Variants in RALYL observed in about 807,000 individuals in gnomAD.
RALYL encodes the protein RALY RNA binding protein like, also known as RNA-binding Raly-like protein.
A neutral mutation model predicts 35.1 loss-of-function variants in RALYL; 29 were observed. That is an observed-to-expected ratio of 0.83 (90% CI 0.61 to 1.13). The LOEUF (loss-of-function observed/expected upper bound fraction) is 1.13. Among genes scored for constraint, RALYL ranks in the 50% most tolerant of loss-of-function variants. The probability of loss-of-function intolerance (pLI) is 0.00; values close to 1 mark genes in which losing one functional copy is unlikely to be tolerated. For missense variants in RALYL, 359 were observed against 360.4 expected (o/e 1.00, Z 0.03); for synonymous variants, 120 against 127.6 (o/e 0.94, Z 0.40).
intron 3 of RALYL, among the ~76,000 whole-genome samples, chr8:84,795,472 TTAAAA>T (rs1001029997): frequency 2.0e-5 from 3 of 152,228 alleles, no homozygotes; most frequent in African/African-American, 7.2e-5. Flanking sequence ...GTGAAAATGC[TTAAAA>T]TAGAGTGTCA....
At chr8:84,838,152 C>T (rs1290066169) in intron 4 of RALYL, among the ~76,000 whole-genome samples, 2 of 152,146 alleles carry the variant, frequency 1.3e-5, no homozygotes, top group Non-Finnish European at 2.9e-5. Context: ...GAAAAACCAA[C>T]TCTTCTTAGC....
chr8:84,541,189 A>G (rs1234781715), intron 2 of RALYL, among the ~76,000 whole-genome samples: 2 of 151,822 alleles, frequency 1.3e-5, no homozygotes, highest in Non-Finnish European at 2.9e-5. Flanking sequence ...GAATGAAGAC[A>G]TAGATCATTG....
chr8:84,713,070 C>A (rs1424616986), intron 2 of RALYL, among the ~76,000 whole-genome samples: 3 of 152,002 alleles, frequency 2.0e-5, no homozygotes, highest in African/African-American at 7.2e-5. Context: ...TCTATGTTTT[C>A]TTCTAGTAGT....
In RALYL at chr8:84,351,500, G is replaced by A. The variant is rs531797315; in HGVS notation, c.-24+167076G>A. 1.5e-4 allele frequency among the ~76,000 whole-genome samples: 22 copies of A among 149,114 alleles called. 1 individual carries two copies. The South Asian group carries it at 4.4e-3, about 30-fold the overall frequency. On this transcript the variant is annotated intron_variant, in intron 1 of 8. Coordinates refer to ENST00000521268, the MANE Select transcript of RALYL (RefSeq NM_173848.7). ...AGGGGTGCATAAATTTCCTTTTTCT[G>A]TATTACTGGCTAGTTGATGATTGAC...
At chr8:84,770,182 T>A (rs1815086356) in intron 2 of RALYL, among the ~76,000 whole-genome samples, 1 of 152,154 alleles carries the variant, frequency 6.6e-6, no homozygotes. Flanking sequence ...TTTTAGTCTT[T>A]TACCCTTCAC....
intron 1 of RALYL, among the ~76,000 whole-genome samples, chr8:84,338,163 TAA>T (rs112811800): frequency 6.7e-6 from 1 of 148,504 alleles, no homozygotes; most frequent in African/African-American, 2.5e-5. Flanking sequence ...TCCTCCATCT[TAA>T]AAAAAAAACT....
chr8:84,807,352 T>C (rs1824888965), intron 4 of RALYL, among the ~76,000 whole-genome samples: 1 of 152,354 alleles, frequency 6.6e-6, no homozygotes, highest in African/African-American at 2.4e-5. Flanking sequence ...ATTTGTTTCT[T>C]TTTATGGCTG....
chr8:84,768,181 G>A (rs2133475101), intron 2 of RALYL, among the ~76,000 whole-genome samples: 1 of 152,216 alleles, frequency 6.6e-6, no homozygotes, highest in African/African-American at 2.4e-5. Flanking sequence ...AAAACCTCAG[G>A]AGACTTCTCT....
At chr8:84,474,244 G>T (rs575693243) in intron 1 of RALYL, among the ~76,000 whole-genome samples, 1 of 152,220 alleles carries the variant, frequency 6.6e-6, no homozygotes, top group East Asian at 1.9e-4. Context: ...GGTTAAATAT[G>T]ATATGAGTAA....
intron 2 of RALYL, among the ~76,000 whole-genome samples, chr8:84,555,169 C>A (rs1002491864): frequency 1.3e-5 from 2 of 152,172 alleles, no homozygotes; most frequent in South Asian, 2.1e-4. Flanking sequence ...ATCCCAGCTA[C>A]TCAGGAGGCT....
chr8:84,626,296 T>G (rs1242490463), intron 2 of RALYL, among the ~76,000 whole-genome samples: 3 of 152,208 alleles, frequency 2.0e-5, no homozygotes, highest in Non-Finnish European at 2.9e-5. Context: ...TTTGTGCGCC[T>G]GCATTGTGCG....
At chr8:84,539,694 G>C (rs2059858509) in intron 2 of RALYL, among the ~76,000 whole-genome samples, 1 of 151,408 alleles carries the variant, frequency 6.6e-6, no homozygotes, top group Admixed American at 6.6e-5. Flanking sequence ...TGAATTTTTT[G>C]GTATGGTATT....
chr8:84,752,431 A>G (rs2133229496), intron 2 of RALYL, among the ~76,000 whole-genome samples: 1 of 152,348 alleles, frequency 6.6e-6, no homozygotes, highest in Middle Eastern at 3.4e-3. Context: ...GATATATGGT[A>G]GAAAAGAAAA....
intron 5 of RALYL, among the ~76,000 whole-genome samples, chr8:84,861,936 TAAG>T (rs755632544): frequency 1.6e-4 from 24 of 152,226 alleles, no homozygotes; most frequent in Non-Finnish European, 3.1e-4. Context: ...TTTCTGTTCA[TAAG>T]AAGTGTAAAT....
chr8:84,380,372 G>T (rs16912760), intron 1 of RALYL, among the ~76,000 whole-genome samples: 1 of 151,720 alleles, frequency 6.6e-6, no homozygotes, highest in Non-Finnish European at 1.5e-5. Flanking sequence ...GGAAATTTCT[G>T]GTCCCTAGTT....
At chr8:84,408,181 C>A (rs968543729) in intron 1 of RALYL, among the ~76,000 whole-genome samples, 6 of 152,120 alleles carry the variant, frequency 3.9e-5, no homozygotes, top group African/African-American at 7.2e-5. Context: ...AAAAGAAAAT[C>A]ATAAATCTCA....
chr8:84,671,013 T>C (rs563192751), intron 2 of RALYL, among the ~76,000 whole-genome samples: 1 of 152,300 alleles, frequency 6.6e-6, no homozygotes, highest in African/African-American at 2.4e-5. Context: ...AAAAGCAAGT[T>C]AGTTACTTCC....
chr8:84,333,782 G>T (rs1847265752), intron 1 of RALYL, among the ~76,000 whole-genome samples: 1 of 152,086 alleles, frequency 6.6e-6, no homozygotes. Context: ...TCCAGATGTA[G>T]ATAATCCTCT....
rs148087925 is a variant in RALYL, at chr8:84,211,913, C to A, written c.-24+27489C>A. ...TATTTGGTACTTGTATACTGCCAAG[C>A]AATATTATAAGCACATTGCACGAAT... is the stretch of plus-strand genomic sequence containing the variant. On this transcript the variant is annotated intron_variant, in intron 1 of 8. Coordinates refer to ENST00000521268, the MANE Select transcript of RALYL (RefSeq NM_173848.7). Among the ~76,000 whole-genome samples, 214 of 152,140 alleles carry A rather than the reference C, an allele frequency of 1.4e-3. 3 individuals are homozygous for A. Among genetic ancestry groups the A allele is most frequent in the Middle Eastern group, 6.8e-3 (2 of 294 alleles).
Sources: allele counts gnomAD v4.1 joint callset (sites outside exome capture counted in the v4.1 genomes callset), GRCh38; gene constraint gnomAD v4.1.1; transcripts MANE v1.5; gene names NCBI Gene and HGNC (gene_info 2026-07-23, HGNC 2026-07-21).